MAGI2: variants seen among roughly 807,000 people sequenced by gnomAD.
The protein encoded by MAGI2 is membrane associated guanylate kinase, WW and PDZ domain containing 2, also known as membrane-associated guanylate kinase, WW and PDZ domain-containing protein 2.
A neutral mutation model predicts 133.3 loss-of-function variants in MAGI2; 35 were observed. The ratio of observed to expected loss-of-function variants is 0.26; its 90% CI spans 0.20 to 0.35. The LOEUF (loss-of-function observed/expected upper bound fraction) is 0.35. MAGI2 is among the 10% of genes least tolerant of loss of function. The pLI is 1.00. For synonymous variants in MAGI2, 729 were observed against 710.6 expected, an observed-to-expected ratio of 1.03 and a Z score of -0.41; for missense variants, 1,636 against 1,863.4, an observed-to-expected ratio of 0.88 and a Z score of 2.25.
intron 2 of MAGI2, among the ~76,000 whole-genome samples, chr7:78,705,455 G>A (rs1818548085): frequency 6.6e-6 from 1 of 152,134 alleles, no homozygotes; most frequent in Non-Finnish European, 1.5e-5. Context: ...ATAGCAGTGT[G>A]AAAATTGACT....
At chr7:78,648,538 T>C (rs1283535615) in intron 2 of MAGI2, among the ~76,000 whole-genome samples, 1 of 152,256 alleles carries the variant, frequency 6.6e-6, no homozygotes, top group East Asian at 1.9e-4. Flanking sequence ...TAGCATCATC[T>C]AGCATATGTG....
intron 2 of MAGI2, among the ~76,000 whole-genome samples, chr7:78,768,857 T>A (rs1235226767): frequency 6.6e-6 from 1 of 152,204 alleles, no homozygotes; most frequent in Non-Finnish European, 1.5e-5. Context: ...ACCTCTTGCC[T>A]AAGATTTAAA....
chr7:79,289,597 C>A (rs1275439893), intron 1 of MAGI2, among the ~76,000 whole-genome samples: 1 of 151,936 alleles, frequency 6.6e-6, no homozygotes, highest in Non-Finnish European at 1.5e-5. Flanking sequence ...TTTTATTAGA[C>A]CCAGATCAAA....
At chr7:79,446,075 C>A (rs1448625493) in intron 1 of MAGI2, among the ~76,000 whole-genome samples, 1 of 152,126 alleles carries the variant, frequency 6.6e-6, no homozygotes, top group South Asian at 2.1e-4. Flanking sequence ...GACAAAATAC[C>A]AAACACCGCA....
chr7:78,201,497 G>C (rs1193049634), intron 10 of MAGI2, among the ~76,000 whole-genome samples: 1 of 152,152 alleles, frequency 6.6e-6, no homozygotes, highest in Non-Finnish European at 1.5e-5. Flanking sequence ...GTCACCCTTA[G>C]GGATTTCTAT....
intron 2 of MAGI2, among the ~76,000 whole-genome samples, chr7:78,839,554 T>G (rs557477607): frequency 7.9e-5 from 12 of 151,990 alleles, no homozygotes; most frequent in Admixed American, 2.0e-4. Context: ...TGGGGAGGCC[T>G]CAGGAAACTT....
rs530619189 is a variant in MAGI2, at chr7:78,805,197, A to C, written c.419-177958T>G. 3.3e-5 allele frequency among the ~76,000 whole-genome samples: 5 copies of C among 151,780 alleles called. No homozygotes were observed. The South Asian group carries it at 1.0e-3, about 32-fold the overall frequency. On this transcript the variant is annotated intron_variant, in intron 2 of 21. Coordinates refer to ENST00000354212, the MANE Select transcript of MAGI2 (RefSeq NM_012301.4). ...GATGCTGTCAAAGTTTTGACAATAG[A>C]TATTTTGTATTAAATGCATTTACTA...
intron 12 of MAGI2, 49 bp from the exon 13 acceptor site, chr7:78,185,719 TA>T: frequency 7.1e-7 from 1 of 1,411,194 alleles, no homozygotes; most frequent in African/African-American, 1.4e-5. Context: ...TATGGCATTT[TA>T]AAATTCATCT....
chr7:79,085,955 G>C (rs1162128570), intron 1 of MAGI2, among the ~76,000 whole-genome samples: 1 of 151,952 alleles, frequency 6.6e-6, no homozygotes, highest in Non-Finnish European at 1.5e-5. Flanking sequence ...CAAGAGATGA[G>C]AAATTAGGGT....
At chr7:78,094,334 A>G (rs146840189) in intron 20 of MAGI2, among the ~76,000 whole-genome samples, 1 of 151,966 alleles carries the variant, frequency 6.6e-6, no homozygotes, top group Non-Finnish European at 1.5e-5. Flanking sequence ...TCTTCCATTC[A>G]ATTTCTTGCA....
chr7:78,765,893 T>C (rs1824975455), intron 2 of MAGI2, among the ~76,000 whole-genome samples: 1 of 152,084 alleles, frequency 6.6e-6, no homozygotes, highest in African/African-American at 2.4e-5. Flanking sequence ...ATTAAATGGC[T>C]GAGCAAGCAA....
At chr7:78,617,855 G>T in intron 3 of MAGI2, 1 of 151,920 alleles carries the variant, frequency 6.6e-6, no homozygotes, top group East Asian at 1.9e-4. Context: ...TGAGGGCATT[G>T]GTTTTTCCAG....
chr7:79,177,503 T>G (rs1260056554), intron 1 of MAGI2, among the ~76,000 whole-genome samples: 1 of 152,078 alleles, frequency 6.6e-6, no homozygotes, highest in Non-Finnish European at 1.5e-5. Context: ...TGATAATTAT[T>G]GTTGTTTCTA....
chr7:78,198,432 T>TTC (rs1828927804), intron 11 of MAGI2, among the ~76,000 whole-genome samples: 1 of 148,142 alleles, frequency 6.8e-6, no homozygotes, highest in South Asian at 2.2e-4. Context: ...GTGGCCGTTT[T>TTC]TTTTTTTTTT....
chr7:78,276,857 T>C (rs1483410285), intron 9 of MAGI2, among the ~76,000 whole-genome samples: 1 of 151,940 alleles, frequency 6.6e-6, no homozygotes, highest in Non-Finnish European at 1.5e-5. Flanking sequence ...TAAATTCTAG[T>C]GGAAGGGGGA....
At chr7:78,318,622 C>T (rs945168890) in intron 9 of MAGI2, among the ~76,000 whole-genome samples, 7 of 152,058 alleles carry the variant, frequency 4.6e-5, no homozygotes, top group African/African-American at 1.7e-4. Flanking sequence ...ACAGACAATG[C>T]CACAAAGATA....
intron 12 of MAGI2, among the ~76,000 whole-genome samples, chr7:78,186,085 A>G (rs1827668426): frequency 6.6e-6 from 1 of 152,184 alleles, no homozygotes; most frequent in South Asian, 2.1e-4. Flanking sequence ...AAAAGTGGAA[A>G]ATCCAATCAA....
intron 3 of MAGI2, among the ~76,000 whole-genome samples, chr7:78,524,068 A>G (rs1452982840): frequency 6.7e-6 from 1 of 149,356 alleles, no homozygotes; most frequent in Non-Finnish European, 1.5e-5. Context: ...AAAAAATCCC[A>G]GGCAGGATCA....
At chr7:79,018,451 G>T (rs1414629519) in intron 1 of MAGI2, among the ~76,000 whole-genome samples, 1 of 152,112 alleles carries the variant, frequency 6.6e-6, no homozygotes, top group African/African-American at 2.4e-5. Flanking sequence ...GCACATTTAA[G>T]TACATAGACT....
Sources: gnomAD v4.1 joint callset for allele counts (sites outside exome capture counted in the v4.1 genomes callset) on GRCh38, gnomAD v4.1.1 for gene constraint, MANE v1.5 for transcripts, NCBI Gene and HGNC (gene_info 2026-07-23, HGNC 2026-07-21) for gene names.